HTR7: variants seen among roughly 807,000 people sequenced by gnomAD.
HTR7 encodes 5-hydroxytryptamine receptor 7.
Under a neutral mutation model 34.0 loss-of-function variants are expected in HTR7, and 16 were observed. The ratio of observed to expected loss-of-function variants is 0.47; its 90% CI spans 0.32 to 0.71. The LOEUF is 0.71. Among genes scored for constraint, HTR7 ranks in the 30% least tolerant of loss-of-function variants. HTR7 has a pLI of 0.04. For synonymous variants in HTR7, 265 were observed against 260.2 expected (o/e 1.02, Z -0.18); for missense variants, 504 against 625.5 (o/e 0.81, Z 2.07).
At chr10:90,843,530 G>A (rs1846361652) in intron 1 of HTR7, among the ~76,000 whole-genome samples, 1 of 151,814 alleles carries the variant, frequency 6.6e-6, no homozygotes, top group African/African-American at 2.4e-5. Context: ...AGAGCTAGAA[G>A]AATATTCCAG....
chr10:90,769,892 A>T (rs1238367496), intron 1 of HTR7, among the ~76,000 whole-genome samples: 1 of 152,252 alleles, frequency 6.6e-6, no homozygotes, highest in African/African-American at 2.4e-5. Context: ...AGGCAACAAA[A>T]TTGACAGCAG....
chr10:90,840,177 T>TCTCTCTCACA (rs1478516123), intron 1 of HTR7, among the ~76,000 whole-genome samples: 6 of 136,884 alleles, frequency 4.4e-5, no homozygotes, highest in Non-Finnish European at 9.4e-5. Context: ...TCTCTCTCTC[T>TCTCTCTCACA]CACACACACA....
intron 1 of HTR7, among the ~76,000 whole-genome samples, chr10:90,773,318 C>CT (rs1032469434): frequency 7.3e-5 from 11 of 150,996 alleles, no homozygotes; most frequent in Non-Finnish European, 7.4e-5. Flanking sequence ...AGGTGTCATT[C>CT]TTTTTTTTTA....
chr10:90,844,774 G>C (rs1846388453), intron 1 of HTR7, among the ~76,000 whole-genome samples: 1 of 141,304 alleles, frequency 7.1e-6, no homozygotes, highest in Non-Finnish European at 1.5e-5. Flanking sequence ...AGATCAGTCT[G>C]GCTCAGGGGT....
intron 1 of HTR7, among the ~76,000 whole-genome samples, chr10:90,793,294 C>T (rs1358627237): frequency 1.3e-5 from 2 of 151,880 alleles, no homozygotes; most frequent in African/African-American, 4.8e-5. Flanking sequence ...CTCCAATAAT[C>T]ATAATTATGA....
At chr10:90,744,489 G>A (rs1452746773) in intron 2 of HTR7, among the ~76,000 whole-genome samples, 2 of 148,798 alleles carry the variant, frequency 1.3e-5, no homozygotes, top group African/African-American at 2.5e-5. Flanking sequence ...CCTACTTGCA[G>A]ATTCACTGAT....
intron 1 of HTR7, among the ~76,000 whole-genome samples, chr10:90,795,180 G>A (rs1276054936): frequency 6.6e-6 from 1 of 152,168 alleles, no homozygotes; most frequent in African/African-American, 2.4e-5. Flanking sequence ...ACCAGTAGTA[G>A]GATTGCTGGA....
At chr10:90,772,047 T>C (rs1456615052) in intron 1 of HTR7, among the ~76,000 whole-genome samples, 1 of 152,138 alleles carries the variant, frequency 6.6e-6, no homozygotes, top group African/African-American at 2.4e-5. Context: ...ATACAAGTAT[T>C]TAGGAAGTTA....
chr10:90,796,511 G>C (rs1471545374), intron 1 of HTR7, among the ~76,000 whole-genome samples: 1 of 152,130 alleles, frequency 6.6e-6, no homozygotes, highest in Non-Finnish European at 1.5e-5. Flanking sequence ...GCACTTTGAG[G>C]CCAGGAGTTC....
At chr10:90,767,136 G>A (rs1379445564) in intron 1 of HTR7, among the ~76,000 whole-genome samples, 4 of 152,142 alleles carry the variant, frequency 2.6e-5, no homozygotes, top group East Asian at 1.9e-4. Context: ...ATGAGGTCAC[G>A]GGCTTTGTTC....
intron 1 of HTR7, among the ~76,000 whole-genome samples, chr10:90,808,729 T>C (rs1344182214): frequency 6.6e-6 from 1 of 151,930 alleles, no homozygotes; most frequent in Non-Finnish European, 1.5e-5. Flanking sequence ...TCCTCCTTCT[T>C]CTCCCTTAGC....
intron 1 of HTR7, among the ~76,000 whole-genome samples, chr10:90,840,177 T>TCTCTCACACACACA (rs1478516123): frequency 2.2e-5 from 3 of 136,802 alleles, no homozygotes; most frequent in South Asian, 5.0e-4. Flanking sequence ...TCTCTCTCTC[T>TCTCTCACACACACA]CACACACACA....
Position 90,749,144 on chromosome 10 carries a change from C to A in HTR7, c.990G>T (p.Gly330=). ...KREQKAATTL[G]IIVGAFTVCW... ...ACACGGTAAAGGCCCCGACGATGAT[C>A]CCCAGGGTGGTGGCTGCTTTCTGTT... is the stretch of plus-strand genomic sequence containing the variant. Residue 330 remains glycine, a synonymous_variant, in exon 2 of 4, where the codon GGG becomes GGT. Coordinates refer to ENST00000336152, the MANE Select transcript of HTR7 (RefSeq NM_019859.4). This position sits in a 1 kb window ranked among gnomAD's most constrained non-coding sequence, Gnocchi z 4.2. The A allele has an allele frequency of 6.2e-7, 1 of 1,614,142 alleles. No individual in the cohort carries two copies. The highest frequency in any genetic ancestry group is 8.5e-7 in the Non-Finnish European group (1 of 1,180,028).
intron 1 of HTR7, among the ~76,000 whole-genome samples, chr10:90,802,384 T>C (rs1288699634): frequency 6.6e-6 from 1 of 152,240 alleles, no homozygotes; most frequent in African/African-American, 2.4e-5. Context: ...TTTGCAGTCT[T>C]TCGCTGGCTT....
At chr10:90,815,509 C>G (rs757272690) in intron 1 of HTR7, among the ~76,000 whole-genome samples, 1 of 152,146 alleles carries the variant, frequency 6.6e-6, no homozygotes, top group African/African-American at 2.4e-5. Flanking sequence ...GATGTAAATG[C>G]GCCCCTCAGG....
chr10:90,825,393 C>G (rs932813112), intron 1 of HTR7, among the ~76,000 whole-genome samples: 3 of 152,192 alleles, frequency 2.0e-5, no homozygotes, highest in African/African-American at 7.2e-5. Flanking sequence ...TGGGTACAAA[C>G]AAGCCCAGCC....
At chr10:90,818,136 C>T (rs1458665033) in intron 1 of HTR7, among the ~76,000 whole-genome samples, 5 of 152,160 alleles carry the variant, frequency 3.3e-5, no homozygotes, top group South Asian at 4.1e-4. Flanking sequence ...TAATCCCCAA[C>T]GCAACCATGG....
intron 1 of HTR7, among the ~76,000 whole-genome samples, chr10:90,845,846 G>C (rs76552544): frequency 6.6e-6 from 1 of 152,162 alleles, no homozygotes; most frequent in Non-Finnish European, 1.5e-5. Flanking sequence ...TTTCCCCCTG[G>C]ACCCTTCACT....
chr10:90,742,423 A>G lies in HTR7; in HGVS notation c.*59T>C. ...TTCCATTCTGCAGACTCAGCAAATG[A>G]CTTCCTTCTGTTTCCACCTCTATTT... On this transcript the variant is annotated 3_prime_UTR_variant, in exon 4 of 4. Coordinates refer to ENST00000336152, the MANE Select transcript of HTR7 (RefSeq NM_019859.4). 3.9e-6 allele frequency: 5 copies of G among 1,286,208 alleles called. No individual in the cohort carries two copies. Among genetic ancestry groups the G allele is most frequent in the Non-Finnish European group, 5.6e-6 (5 of 899,132 alleles). 79.7% of individuals were successfully genotyped at this position (1,286,208 alleles called of 1,614,324 possible). A position where few individuals can be genotyped will look rare whatever the true frequency, so the allele number is the denominator to read the frequency against.
Sources: allele counts gnomAD v4.1 joint callset (sites outside exome capture counted in the v4.1 genomes callset), GRCh38; gene constraint gnomAD v4.1.1; non-coding constraint Gnocchi (gnomAD v3.1); transcripts MANE v1.5; gene names NCBI Gene and HGNC (gene_info 2026-07-23, HGNC 2026-07-21).